The following GRIN2A variants were observed in gnomAD, a reference collection of about 807,000 sequenced individuals.
The protein encoded by GRIN2A is glutamate ionotropic receptor NMDA type subunit 2A, also known as glutamate receptor ionotropic, NMDA 2A.
In GRIN2A, 22 loss-of-function variants were observed where a neutral mutation model predicts 113.4. That is an observed-to-expected ratio of 0.19 (90% CI 0.14 to 0.28). The LOEUF (loss-of-function observed/expected upper bound fraction) is 0.28. Ranked by LOEUF, GRIN2A falls within the 10% of genes least tolerant of loss-of-function variation. The pLI is 1.00. For synonymous variants in GRIN2A, 827 were observed against 738.4 expected (o/e 1.12, Z -1.94); for missense variants, 1,502 against 1,887.0 (o/e 0.80, Z 3.78).
At chr16:9,869,242 G>A (rs149118843) in intron 4 of GRIN2A, among the ~76,000 whole-genome samples, 2,082 of 152,272 alleles carry the variant, frequency 0.014, 49 homozygotes, top group African/African-American at 0.047. Flanking sequence ...AGACCAGCCC[G>A]GGCAACATGG....
At chr16:9,886,111 T>A (rs1212145626) in intron 4 of GRIN2A, among the ~76,000 whole-genome samples, 1 of 152,230 alleles carries the variant, frequency 6.6e-6, no homozygotes, top group Non-Finnish European at 1.5e-5. Context: ...GAGTCAAGCC[T>A]GCTCCAGGAC....
At chr16:9,950,883 A>G (rs767336036) in intron 2 of GRIN2A, among the ~76,000 whole-genome samples, 4 of 152,186 alleles carry the variant, frequency 2.6e-5, no homozygotes, top group Admixed American at 6.5e-5. Context: ...CTGATTATTT[A>G]TTGCATTCCG....
chr16:9,960,513 G>A (rs548121759), intron 2 of GRIN2A, among the ~76,000 whole-genome samples: 7 of 152,332 alleles, frequency 4.6e-5, no homozygotes, highest in African/African-American at 1.7e-4. Flanking sequence ...TGGAAAACGA[G>A]GCAGCCTAGG....
intron 2 of GRIN2A, among the ~76,000 whole-genome samples, chr16:10,018,190 C>T (rs920243680): frequency 2.6e-5 from 4 of 152,106 alleles, no homozygotes; most frequent in Non-Finnish European, 5.9e-5. Flanking sequence ...CATTTAGCTT[C>T]GTTTAGGAGG....
chr16:9,829,695 A>C, intron 8 of GRIN2A, 43 bp from the exon 9 acceptor site: 1 of 1,464,436 alleles, frequency 6.8e-7, no homozygotes, highest in East Asian at 2.3e-5. Context: ...TTCTGAAAAA[A>C]ATGCCTGTTT....
chr16:9,921,780 A>G (rs2044363706), intron 3 of GRIN2A, among the ~76,000 whole-genome samples: 1 of 152,220 alleles, frequency 6.6e-6, no homozygotes, highest in Non-Finnish European at 1.5e-5. Flanking sequence ...ATAACCACAA[A>G]GAACCTAGAA....
At position 10,103,023 on chromosome 16, in the gene GRIN2A, G is replaced by C. The variant is rs117410261; in HGVS notation, c.414+76975C>G. Among the ~76,000 whole-genome samples the C allele has an allele frequency of 3.2e-3, 494 of 152,296 alleles. 5 individuals carry two copies. Among genetic ancestry groups the C allele is most frequent in the East Asian group, 0.03 (155 of 5,184 alleles). On this transcript the variant is annotated intron_variant, in intron 2 of 12. Coordinates refer to ENST00000330684, the MANE Select transcript of GRIN2A (RefSeq NM_001134407.3). ...CCTATGGTAGGCACTGGGACGAAAA[G>C]AATGAATGATCCTTGACATCAAGAA...
At chr16:10,121,135 C>A (rs1451427463) in intron 2 of GRIN2A, among the ~76,000 whole-genome samples, 1 of 152,162 alleles carries the variant, frequency 6.6e-6, no homozygotes, top group African/African-American at 2.4e-5. Flanking sequence ...GGTGGGGCAA[C>A]CACAAAGATT....
chr16:9,911,463 G>A (rs1217432552), intron 3 of GRIN2A, among the ~76,000 whole-genome samples: 1 of 152,224 alleles, frequency 6.6e-6, no homozygotes, highest in Non-Finnish European at 1.5e-5. Flanking sequence ...TCTTGGGCAA[G>A]TTATTTAACT....
intron 2 of GRIN2A, among the ~76,000 whole-genome samples, chr16:9,973,064 C>A (rs954282800): frequency 1.3e-5 from 2 of 152,172 alleles, no homozygotes; most frequent in Admixed American, 6.6e-5. Flanking sequence ...CCAGATGAGC[C>A]AGTTTATCAA....
chr16:10,010,494 G>C (rs1303672191), intron 2 of GRIN2A, among the ~76,000 whole-genome samples: 3 of 152,150 alleles, frequency 2.0e-5, no homozygotes, highest in Admixed American at 1.3e-4. Context: ...GATAACATTT[G>C]GAACCTGGAG....
At chr16:10,174,621 A>G (rs2050107920) in intron 2 of GRIN2A, among the ~76,000 whole-genome samples, 1 of 152,186 alleles carries the variant, frequency 6.6e-6, no homozygotes, top group Non-Finnish European at 1.5e-5. Context: ...TATTTATAAC[A>G]CAAAAAAACA....
chr16:9,967,229 G>A (rs1439587484), intron 2 of GRIN2A, among the ~76,000 whole-genome samples: 3 of 152,202 alleles, frequency 2.0e-5, no homozygotes, highest in South Asian at 2.1e-4. Context: ...TCAAGAAAAT[G>A]TGGTAGATAT....
At chr16:9,866,297 T>C (rs2043159224) in intron 4 of GRIN2A, among the ~76,000 whole-genome samples, 1 of 152,168 alleles carries the variant, frequency 6.6e-6, no homozygotes, top group Non-Finnish European at 1.5e-5. Context: ...AGGGGAGTTG[T>C]GCAGTTTGCA....
intron 10 of GRIN2A, among the ~76,000 whole-genome samples, chr16:9,808,926 C>G (rs1017016307): frequency 1.3e-5 from 2 of 151,760 alleles, no homozygotes; most frequent in African/African-American, 2.4e-5. Context: ...CAAAAAAAGT[C>G]TAGTGAGAAG....
intron 2 of GRIN2A, among the ~76,000 whole-genome samples, chr16:10,010,521 C>A: frequency 6.6e-6 from 1 of 152,128 alleles, no homozygotes; most frequent in East Asian, 1.9e-4. Context: ...AGCAATAGTA[C>A]CTACCTGTAA....
chr16:10,055,058 A>G (rs1596466177), intron 2 of GRIN2A, among the ~76,000 whole-genome samples: 1 of 76,116 alleles, frequency 1.3e-5, no homozygotes, highest in African/African-American at 6.3e-5. Flanking sequence ...AAAAAAAAAA[A>G]AAAAAAAAAA....
At position 9,938,237 on chromosome 16, in the gene GRIN2A, G is replaced by A. The variant is rs2044762715; in HGVS notation, c.729C>T (p.Ala243=). 6.2e-7 allele frequency: 1 copy of A among 1,614,102 alleles called. No individual in the cohort carries two copies. The highest frequency in any genetic ancestry group is 8.5e-7 in the Non-Finnish European group (1 of 1,179,972). Reference sequence around the variant, plus strand: ...CATACCCGGTGAGGCCAAGGGAGCGGGCCTCACTCAGAATGAGAACAGCCT... The same window carrying A: ...CATACCCGGTGAGGCCAAGGGAGCGAGCCTCACTCAGAATGAGAACAGCCT... ...KDEAVLILSE[A]RSLGLTGYDF... is the part of the protein sequence containing the mutation. The change falls in exon 3 of 13, where the codon GCC becomes GCT. Residue 243 remains alanine, a synonymous_variant. Coordinates refer to ENST00000330684, the MANE Select transcript of GRIN2A (RefSeq NM_001134407.3).
rs867838919 is a variant in GRIN2A at position 9,765,756 on chromosome 16, G to T, written c.2596-808C>A. Among the ~76,000 whole-genome samples, 196 of 152,258 alleles carry T rather than the reference G, an allele frequency of 1.3e-3. 2 individuals are homozygous for T. Among genetic ancestry groups the T allele is most frequent in the Middle Eastern group, 6.8e-3 (2 of 294 alleles). On this transcript the variant is annotated intron_variant, in intron 12 of 12. Transcript: ENST00000330684. ...ATCTATTCCTTGTGTGTTTGTTTGT[G>T]TGTGAGTCTATTCAATGTAGTTAGA... is the stretch of plus-strand genomic sequence containing the variant.
Sources: allele counts gnomAD v4.1 joint callset (sites outside exome capture counted in the v4.1 genomes callset), GRCh38; gene constraint gnomAD v4.1.1; transcripts MANE v1.5; gene names NCBI Gene and HGNC (gene_info 2026-07-23, HGNC 2026-07-21).